CDH1: variants seen among roughly 807,000 people sequenced by gnomAD.
CDH1 encodes the protein cadherin 1.
In CDH1, 35 loss-of-function variants were observed where a neutral mutation model predicts 84.5. That is an observed-to-expected ratio of 0.41 (90% CI 0.32 to 0.55). The LOEUF (loss-of-function observed/expected upper bound fraction) is 0.55, where lower values mean the gene tolerates loss of function less well. Ranked by LOEUF, CDH1 falls within the 20% of genes least tolerant of loss-of-function variation. The probability of loss-of-function intolerance (pLI) is 0.19; values close to 1 mark genes in which losing one functional copy is unlikely to be tolerated. For missense variants in CDH1, 994 were observed against 1,126.6 expected (o/e 0.88, Z 1.68); for synonymous variants, 417 against 439.0 (o/e 0.95, Z 0.63).
At chr16:68,832,701 A>T (rs1170204803) in intron 15 of CDH1, among the ~76,000 whole-genome samples, 1 of 149,056 alleles carries the variant, frequency 6.7e-6, no homozygotes, top group Non-Finnish European at 1.5e-5. Flanking sequence ...ATGCCTGTAG[A>T]CCCAGCTACT....
intron 2 of CDH1, among the ~76,000 whole-genome samples, chr16:68,740,807 G>A (rs897225535): frequency 2.0e-5 from 3 of 152,102 alleles, no homozygotes; most frequent in Admixed American, 1.3e-4. Flanking sequence ...TCACTAGAAC[G>A]TTAGGAGGGT....
intron 10 of CDH1, among the ~76,000 whole-genome samples, chr16:68,818,885 C>A: frequency 6.7e-6 from 1 of 149,316 alleles, no homozygotes; most frequent in Non-Finnish European, 1.5e-5. Flanking sequence ...GAAAGGGTTT[C>A]ACTTTTGTTG....
intron 2 of CDH1, among the ~76,000 whole-genome samples, chr16:68,778,845 A>C (rs1567491055): frequency 6.6e-6 from 1 of 152,190 alleles, no homozygotes; most frequent in Non-Finnish European, 1.5e-5. Context: ...GATTTAGTTA[A>C]TAAGCAGTTT....
chr16:68,790,273 G>A (rs1895720070), intron 2 of CDH1, among the ~76,000 whole-genome samples: 1 of 152,170 alleles, frequency 6.6e-6, no homozygotes, highest in Admixed American at 6.6e-5. Flanking sequence ...GAGAGAGGAG[G>A]AGGGATTTAG....
rs771635021 is a variant in CDH1 at position 68,819,274 on chromosome 16, G to A, written c.1566-6G>A. On this transcript the variant is annotated splice_polypyrimidine_tract_variant and splice_region_variant and intron_variant, in intron 10 of 15. Coordinates refer to ENST00000261769, the MANE Select transcript of CDH1 (RefSeq NM_004360.5). ...ATTCTAAAAGCCAGAGCTTGTCCCC[G>A]TTCAGATATCGGATTTGGAGAGACA... is the stretch of plus-strand genomic sequence containing the variant. 4 of 1,614,078 alleles carry A rather than the reference G, an allele frequency of 2.5e-6. No homozygotes were observed. Among genetic ancestry groups the A allele is most frequent in the East Asian group, 4.5e-5 (2 of 44,898 alleles).
At chr16:68,823,329 A>G (rs2152139140) in intron 12 of CDH1, 70 bp from the exon 13 acceptor site, 1 of 1,174,312 alleles carries the variant, frequency 8.5e-7, no homozygotes, top group African/African-American at 1.5e-5. Context: ...TTCACTAGCA[A>G]TTTTATTCTG....
rs769371658 is a variant in CDH1 at position 68,808,516 on chromosome 16, C to T, written c.480C>T (p.Pro160=). Residue 160 remains proline (P), a synonymous_variant, in exon 4 of 16, where the codon CCC becomes CCT. Coordinates refer to ENST00000261769, the MANE Select transcript of CDH1 (RefSeq NM_004360.5). ...RRQKRDWVIP[P]ISCPENEKGP... is the part of the protein sequence containing the mutation. ...AGAAGAGAGACTGGGTTATTCCTCC[C>T]ATCAGCTGCCCAGAAAATGAAAAAG... 2.5e-6 allele frequency: 4 copies of T among 1,614,152 alleles called. No individual in the cohort carries two copies. The South Asian group carries it at 4.4e-5, about 18-fold the overall frequency.
At chr16:68,808,021 C>A (rs890153038) in intron 3 of CDH1, among the ~76,000 whole-genome samples, 4 of 152,148 alleles carry the variant, frequency 2.6e-5, no homozygotes, top group Non-Finnish European at 5.9e-5. Context: ...TCCAGTGAGA[C>A]AAGATCTTGC....
chr16:68,738,222 C>G (rs1021967358), intron 1 of CDH1, 75 bp from the exon 2 acceptor site: 1 of 973,316 alleles, frequency 1.0e-6, no homozygotes, highest in African/African-American at 1.6e-5. Flanking sequence ...GAGGGAGGGG[C>G]GGCGCTGTTG....
chr16:68,819,202 G>A (rs2152136613), intron 10 of CDH1, 78 bp from the exon 11 acceptor site: 1 of 1,532,192 alleles, frequency 6.5e-7, no homozygotes, highest in South Asian at 1.1e-5. Context: ...CCATATAACT[G>A]AAGAAGCGCT....
At chr16:68,771,549 C>T (rs549975339) in intron 2 of CDH1, among the ~76,000 whole-genome samples, 2 of 151,708 alleles carry the variant, frequency 1.3e-5, no homozygotes, top group African/African-American at 2.4e-5. Context: ...GTCAAGAGAT[C>T]GAGACCATCC....
chr16:68,831,992 G>A lies in CDH1; in HGVS notation c.2440-1298G>A, dbSNP rs560314454. Among the ~76,000 whole-genome samples the A allele has an allele frequency of 1.1e-4, 16 of 152,250 alleles. No individual in the cohort carries two copies. In the East Asian group the frequency reaches 2.9e-3, roughly 27 times the overall value. Reference sequence around the variant, plus strand: ...GTCTTTTGAGGAAGCAAGATCATGGGTGGAGCTGGAGGCCATTATCCTTAG... The same window carrying A: ...GTCTTTTGAGGAAGCAAGATCATGGATGGAGCTGGAGGCCATTATCCTTAG... On this transcript the variant is annotated intron_variant, in intron 15 of 15. Coordinates refer to ENST00000261769, the MANE Select transcript of CDH1 (RefSeq NM_004360.5).
intron 1 of CDH1, among the ~76,000 whole-genome samples, chr16:68,737,883 T>C (rs911111802): frequency 1.3e-5 from 2 of 152,100 alleles, no homozygotes; most frequent in Non-Finnish European, 2.9e-5. Flanking sequence ...GCACCTGCCA[T>C]GCCAAGAAAG....
At chr16:68,818,611 G>A (rs888024930) in intron 10 of CDH1, among the ~76,000 whole-genome samples, 5 of 150,150 alleles carry the variant, frequency 3.3e-5, no homozygotes, top group Non-Finnish European at 7.4e-5. Context: ...CACTTTGGGA[G>A]GCCGAGACGT....
At chr16:68,806,226 A>G (rs936242359) in intron 3 of CDH1, among the ~76,000 whole-genome samples, 3 of 151,618 alleles carry the variant, frequency 2.0e-5, no homozygotes, top group Admixed American at 1.3e-4. Flanking sequence ...ATCTCAGCTC[A>G]CTGCAACCTC....
chr16:68,831,465 A>C (rs1240784571), intron 15 of CDH1, among the ~76,000 whole-genome samples: 1 of 151,906 alleles, frequency 6.6e-6, no homozygotes, highest in Non-Finnish European at 1.5e-5. Context: ...AGCCACATTC[A>C]TTTTAGCCAC....
At chr16:68,760,293 T>A (rs1210853103) in intron 2 of CDH1, among the ~76,000 whole-genome samples, 2 of 148,544 alleles carry the variant, frequency 1.3e-5, no homozygotes, top group Non-Finnish European at 3.0e-5. Context: ...TTTTGCATTT[T>A]TAGTAGAGAC....
chr16:68,806,898 G>A (rs1197077143), intron 3 of CDH1, among the ~76,000 whole-genome samples: 1 of 152,156 alleles, frequency 6.6e-6, no homozygotes, highest in Non-Finnish European at 1.5e-5. Flanking sequence ...GCAGCATTGG[G>A]GAAGGGCTCT....
At chr16:68,753,786 GT>G (rs1962947124) in intron 2 of CDH1, among the ~76,000 whole-genome samples, 1 of 151,992 alleles carries the variant, frequency 6.6e-6, no homozygotes, top group South Asian at 2.1e-4. Flanking sequence ...TTTAGCATAA[GT>G]ATGTCCCATG....
Sources: allele counts gnomAD v4.1 joint callset (sites outside exome capture counted in the v4.1 genomes callset), GRCh38; gene constraint gnomAD v4.1.1; transcripts MANE v1.5; gene names NCBI Gene and HGNC (gene_info 2026-07-23, HGNC 2026-07-21).